Variants in CCDC40 observed in about 807,000 individuals in gnomAD.
The protein encoded by CCDC40 is coiled-coil domain-containing protein 40.
Under a neutral mutation model 124.5 loss-of-function variants are expected in CCDC40, and 104 were observed. The ratio of observed to expected loss-of-function variants is 0.84; its 90% CI spans 0.71 to 0.98. The LOEUF is 0.98. Among genes scored for constraint, CCDC40 ranks in the 50% least tolerant of loss-of-function variants. The probability of loss-of-function intolerance (pLI) is 0.00; values close to 1 mark genes in which losing one functional copy is unlikely to be tolerated. For missense variants in CCDC40, 1,463 were observed against 1,503.9 expected (o/e 0.97, Z 0.45); for synonymous variants, 580 against 602.9 (o/e 0.96, Z 0.56).
intron 2 of CCDC40, among the ~76,000 whole-genome samples, chr17:80,039,104 C>T (rs578173461): frequency 7.9e-5 from 12 of 152,244 alleles, no homozygotes; most frequent in Admixed American, 2.6e-4. Context: ...TGGTGGCTCA[C>T]GCCTGTGGTC....
chr17:80,060,604 T>C (rs1451231958), intron 9 of CCDC40, among the ~76,000 whole-genome samples: 1 of 152,010 alleles, frequency 6.6e-6, no homozygotes, highest in Non-Finnish European at 1.5e-5. Flanking sequence ...GGAAGGATCA[T>C]GAAAGATCCT....
intron 3 of CCDC40, among the ~76,000 whole-genome samples, chr17:80,045,650 G>A (rs2037402125): frequency 6.6e-6 from 1 of 152,106 alleles, no homozygotes; most frequent in Admixed American, 6.6e-5. Flanking sequence ...TTTGCAGTGA[G>A]CCGAGATGGT....
intron 19 of CCDC40, 121 bp from the exon 20 acceptor site, chr17:80,099,406 C>T: frequency 8.2e-7 from 1 of 1,212,838 alleles, no homozygotes; most frequent in Non-Finnish European, 1.2e-6. Flanking sequence ...CACGCCGTCC[C>T]TTTTCAGGCG....
At chr17:80,061,775 G>A (rs1266543880) in intron 9 of CCDC40, among the ~76,000 whole-genome samples, 3 of 152,074 alleles carry the variant, frequency 2.0e-5, no homozygotes, top group African/African-American at 7.2e-5. Context: ...CCTCCCTGCT[G>A]TCGGCCATGA....
At chr17:80,090,091 C>G in intron 17 of CCDC40, 2 of 1,536,470 alleles carry the variant, frequency 1.3e-6, no homozygotes, top group Non-Finnish European at 1.7e-6. Context: ...GCAAAGCGCA[C>G]GTCCCCCTTG....
intron 2 of CCDC40, among the ~76,000 whole-genome samples, chr17:80,039,489 G>T (rs2037217319): frequency 6.6e-6 from 1 of 150,862 alleles, no homozygotes; most frequent in African/African-American, 2.4e-5. Flanking sequence ...TCAGCTCACT[G>T]CAACCTCTGC....
intron 3 of CCDC40, among the ~76,000 whole-genome samples, chr17:80,044,831 A>G (rs2037381388): frequency 1.3e-5 from 2 of 151,814 alleles, no homozygotes; most frequent in South Asian, 2.1e-4. Flanking sequence ...CCTTGGGCCT[A>G]GTTTCTAGAA....
At chr17:80,095,136 C>T (rs2038783984) in intron 17 of CCDC40, 127 bp from the exon 18 acceptor site, 2 of 868,468 alleles carry the variant, frequency 2.3e-6, no homozygotes, top group Non-Finnish European at 1.9e-6. Flanking sequence ...CGGCACAGGC[C>T]TCACTGTTTC....
At chr17:80,090,776 G>A in intron 17 of CCDC40, 2 of 1,312,424 alleles carry the variant, frequency 1.5e-6, no homozygotes, top group South Asian at 3.7e-5. Context: ...AACAGTAAGA[G>A]CAGTTCATAA....
At chr17:80,051,415 G>A (rs1030962022) in intron 7 of CCDC40, 4 of 256,112 alleles carry the variant, frequency 1.6e-5, no homozygotes, top group African/African-American at 9.2e-5. Context: ...GGATCACGAG[G>A]TCAGGAGATC....
chr17:80,057,491 T>G (rs1426363270), intron 7 of CCDC40, among the ~76,000 whole-genome samples: 1 of 152,198 alleles, frequency 6.6e-6, no homozygotes, highest in East Asian at 1.9e-4. Flanking sequence ...TCTGTTTGGA[T>G]CCAGCCACTG....
chr17:80,043,699 G>A (rs1254053138), intron 3 of CCDC40, among the ~76,000 whole-genome samples: 1 of 122,140 alleles, frequency 8.2e-6, no homozygotes, highest in East Asian at 2.6e-4. Flanking sequence ...TGTATTTTTT[G>A]TACAAGGGGG....
intron 7 of CCDC40, among the ~76,000 whole-genome samples, chr17:80,054,693 G>T (rs373794594): frequency 6.6e-6 from 1 of 152,198 alleles, no homozygotes; most frequent in Admixed American, 6.5e-5. Flanking sequence ...AAGAATGGAG[G>T]CCGGATGTGG....
chr17:80,094,139 C>A (rs561240905), intron 17 of CCDC40, among the ~76,000 whole-genome samples: 1 of 151,530 alleles, frequency 6.6e-6, no homozygotes, highest in South Asian at 2.1e-4. Context: ...GGGCTGGGTG[C>A]GGTGGCTCAC....
At chr17:80,064,149 C>T (rs950491429) in intron 9 of CCDC40, among the ~76,000 whole-genome samples, 3 of 152,154 alleles carry the variant, frequency 2.0e-5, no homozygotes, top group Non-Finnish European at 4.4e-5. Context: ...TAGGTTACGT[C>T]GTAATGAATA....
intron 12 of CCDC40, among the ~76,000 whole-genome samples, chr17:80,084,437 A>C (rs2038531034): frequency 6.6e-6 from 1 of 152,194 alleles, no homozygotes; most frequent in African/African-American, 2.4e-5. Flanking sequence ...CCCTCCCTTG[A>C]CATGTGGGAT....
intron 12 of CCDC40, 121 bp downstream of exon 12, chr17:80,082,179 A>G: frequency 1.4e-6 from 1 of 696,376 alleles, no homozygotes. Flanking sequence ...TCCTGTGCTC[A>G]CTCCTTTCCA....
rs2038047085 is a variant in CCDC40 at position 80,066,346 on chromosome 17, C to T, written c.1562+740C>T. On this transcript the variant is annotated intron_variant, in intron 10 of 19. Transcript: ENST00000397545. The surrounding 1 kb of genome is among the most constrained non-coding windows in gnomAD (Gnocchi z 4.4). Reference sequence around the variant, plus strand: ...GCAGCCAGGCAGCCAGCAGCAGTCACACAACCAGGAGATGCTTTTCCTTTT... The same window carrying T: ...GCAGCCAGGCAGCCAGCAGCAGTCATACAACCAGGAGATGCTTTTCCTTTT... The T allele has an allele frequency of 1.7e-6, 1 of 582,172 alleles. No individual in the cohort carries two copies. The highest frequency in any genetic ancestry group is 3.1e-6 in the Non-Finnish European group (1 of 325,024). The allele number at this position is 582,172 out of a possible 1,614,324, so 36.1% of individuals were successfully genotyped here.
intron 10 of CCDC40, among the ~76,000 whole-genome samples, chr17:80,078,200 G>A (rs984822064): frequency 1.3e-4 from 20 of 151,904 alleles, no homozygotes; most frequent in African/African-American, 2.2e-4. Flanking sequence ...GCGTGGTGGC[G>A]GGCGCCTGTA....
Sources: allele counts gnomAD v4.1 joint callset (sites outside exome capture counted in the v4.1 genomes callset), GRCh38; gene constraint gnomAD v4.1.1; non-coding constraint Gnocchi (gnomAD v3.1); transcripts MANE v1.5; gene names NCBI Gene and HGNC (gene_info 2026-07-23, HGNC 2026-07-21).